Variants in GSG1L observed in about 807,000 individuals in gnomAD.
GSG1L encodes GSG1 like.
A neutral mutation model predicts 42.1 loss-of-function variants in GSG1L; 24 were observed. That is an observed-to-expected ratio of 0.57 (90% confidence interval 0.41 to 0.80). The LOEUF (loss-of-function observed/expected upper bound fraction) is 0.80, where lower values mean the gene tolerates loss of function less well. GSG1L is among the 30% of genes least tolerant of loss of function. The probability of loss-of-function intolerance (pLI) is 0.00; values close to 1 mark genes in which losing one functional copy is unlikely to be tolerated. For missense variants in GSG1L, 445 were observed against 472.2 expected (o/e 0.94, Z 0.53); for synonymous variants, 215 against 203.5 (o/e 1.06, Z -0.48).
chr16:27,989,297 A>G (rs2141133356), intron 1 of GSG1L, among the ~76,000 whole-genome samples: 1 of 152,326 alleles, frequency 6.6e-6, no homozygotes, highest in Middle Eastern at 3.4e-3. Flanking sequence ...TTACTTTGAT[A>G]TCAAGTGTTT....
At chr16:27,843,504 T>TAAAAA (rs55755431) in intron 4 of GSG1L, among the ~76,000 whole-genome samples, 3 of 75,930 alleles carry the variant, frequency 4.0e-5, no homozygotes, top group South Asian at 4.8e-4. Context: ...AGAGACTCTG[T>TAAAAA]AAAAAAAAAA....
chr16:27,880,778 T>A (rs1218129528), intron 3 of GSG1L, among the ~76,000 whole-genome samples: 1 of 152,080 alleles, frequency 6.6e-6, no homozygotes, highest in African/African-American at 2.4e-5. Flanking sequence ...GTTTTGTGGC[T>A]GGAGTGAGCA....
chr16:28,009,492 G>C (rs941534170), intron 1 of GSG1L, among the ~76,000 whole-genome samples: 1 of 152,160 alleles, frequency 6.6e-6, no homozygotes, highest in Non-Finnish European at 1.5e-5. Flanking sequence ...TCAGTTCCAC[G>C]AGGGCAGAGT....
chr16:27,846,756 C>T (rs555130492), intron 3 of GSG1L, among the ~76,000 whole-genome samples: 1 of 151,970 alleles, frequency 6.6e-6, no homozygotes, highest in East Asian at 1.9e-4. Flanking sequence ...AGATTGAGAC[C>T]CTCCTGGCTA....
intron 2 of GSG1L, among the ~76,000 whole-genome samples, chr16:27,949,925 AAAACAAAC>A (rs541234298): frequency 7.2e-5 from 11 of 152,280 alleles, no homozygotes; most frequent in South Asian, 4.1e-4. Context: ...ACTCCGTCTC[AAAACAAAC>A]AAACAAACAA....
intron 1 of GSG1L, among the ~76,000 whole-genome samples, chr16:28,028,276 C>T (rs1039596411): frequency 6.6e-6 from 1 of 152,038 alleles, no homozygotes; most frequent in Non-Finnish European, 1.5e-5. Context: ...TGCCTAGACC[C>T]GTGCCAGGCA....
chr16:28,050,657 A>T (rs905913235), intron 1 of GSG1L, among the ~76,000 whole-genome samples: 19 of 152,172 alleles, frequency 1.2e-4, no homozygotes, highest in African/African-American at 4.6e-4. Flanking sequence ...CTACTCCATC[A>T]CCGTTAGAGA....
chr16:28,043,533 T>C (rs205393), intron 1 of GSG1L, among the ~76,000 whole-genome samples: 27,803 of 152,152 alleles, frequency 0.18, 3,185 homozygotes, highest in South Asian at 0.44. Context: ...ATAAGTGGTG[T>C]CCCTGAAGAT....
intron 1 of GSG1L, among the ~76,000 whole-genome samples, chr16:28,029,914 C>T (rs542489707): frequency 5.9e-5 from 9 of 152,194 alleles, no homozygotes; most frequent in East Asian, 5.8e-4. Context: ...TGTGTGTTCA[C>T]GCACGCACAT....
chr16:27,901,915 T>C (rs2084262102), intron 2 of GSG1L, among the ~76,000 whole-genome samples: 1 of 152,242 alleles, frequency 6.6e-6, no homozygotes, highest in South Asian at 2.1e-4. Flanking sequence ...TTGCACTTGC[T>C]GTGCCCTTGG....
At position 27,823,810 on chromosome 16, in the gene GSG1L, G is replaced by A. The variant is rs2083175664; in HGVS notation, c.830+4979C>T. The A allele has an allele frequency of 8.5e-6, 6 of 701,902 alleles. No individual in the cohort carries two copies. In the Admixed American group the frequency reaches 1.2e-4, roughly 14 times the overall value. The allele number at this position is 701,902 out of a possible 1,614,324, so 43.5% of individuals were successfully genotyped here. The stretch of plus-strand genomic sequence containing the variant: ...TTGATCAAGCCTGAGAGGCCACACA[G>A]CACAGGGAAGGACTATGTGGCCTGG... On this transcript the variant is annotated intron_variant, in intron 5 of 6. Transcript: ENST00000447459.
chr16:27,970,247 G>T (rs1279076062), intron 1 of GSG1L, among the ~76,000 whole-genome samples: 4 of 151,428 alleles, frequency 2.6e-5, no homozygotes, highest in Non-Finnish European at 5.9e-5. Context: ...TGTTGCTTGT[G>T]CTTTTGTTGT....
At chr16:27,807,181 C>G (rs1471733895) in intron 6 of GSG1L, among the ~76,000 whole-genome samples, 1 of 152,210 alleles carries the variant, frequency 6.6e-6, no homozygotes, top group East Asian at 1.9e-4. Context: ...GGACTGTCCT[C>G]CCTCAGACCA....
At chr16:27,963,300 G>T in intron 1 of GSG1L, 97 bp from the exon 2 acceptor site, 1 of 1,014,784 alleles carries the variant, frequency 9.9e-7, no homozygotes, top group Non-Finnish European at 1.5e-6. Context: ...GCAAGCCAGT[G>T]TCTCTGACCC....
At chr16:27,956,729 A>G (rs1165578063) in intron 2 of GSG1L, among the ~76,000 whole-genome samples, 2 of 152,208 alleles carry the variant, frequency 1.3e-5, no homozygotes, top group South Asian at 2.1e-4. Flanking sequence ...GGGCAGATTG[A>G]GCCCAGCCTA....
chr16:27,912,113 G>A (rs138328597), intron 2 of GSG1L, among the ~76,000 whole-genome samples: 4 of 152,206 alleles, frequency 2.6e-5, no homozygotes, highest in East Asian at 3.9e-4. Context: ...GTGAGTTCCC[G>A]CAACCCTACA....
chr16:27,814,375 A>G (rs8055463), intron 5 of GSG1L, among the ~76,000 whole-genome samples: 73,770 of 151,982 alleles, frequency 0.49, 18,909 homozygotes, highest in African/African-American at 0.65. Flanking sequence ...GCCTTCCAAA[A>G]AGCTGGGATT....
chr16:27,828,777 C>G lies in GSG1L; in HGVS notation c.830+12G>C. On this transcript the variant is annotated intron_variant, in intron 5 of 6. Coordinates refer to ENST00000447459, the MANE Select transcript of GSG1L (RefSeq NM_001109763.2). ...CCCCGTGGTGGCCAGAGGTAACCCC[C>G]TGTGCACTGACCTCTCCCGGAAGTA... is the stretch of plus-strand genomic sequence containing the variant. 6.2e-7 allele frequency: 1 copy of G among 1,612,912 alleles called. No individual in the cohort carries two copies. The highest frequency in any genetic ancestry group is 1.7e-5 in the Admixed American group (1 of 59,964).
chr16:27,891,884 CTTTT>C (rs60746199), intron 2 of GSG1L, among the ~76,000 whole-genome samples: 291 of 74,328 alleles, frequency 3.9e-3, no homozygotes, highest in Admixed American at 8.2e-3. Context: ...AGTGACAGAT[CTTTT>C]TTTTTTTTTT....
Sources: allele counts gnomAD v4.1 joint callset (sites outside exome capture counted in the v4.1 genomes callset), GRCh38; gene constraint gnomAD v4.1.1; transcripts MANE v1.5; gene names NCBI Gene and HGNC (gene_info 2026-07-23, HGNC 2026-07-21).